The following DPP4 variants were observed in gnomAD, a reference collection of about 807,000 sequenced individuals.
The protein encoded by DPP4 is ADCP-2.
DPP4 carries 93 observed loss-of-function variants against 122.4 expected under a neutral mutation model. The ratio of observed to expected loss-of-function variants is 0.76; its 90% confidence interval spans 0.64 to 0.90. DPP4 has a LOEUF of 0.90. Among genes scored for constraint, DPP4 ranks in the 40% least tolerant of loss-of-function variants. DPP4 has a pLI of 0.00. For missense variants in DPP4, 914 were observed against 907.3 expected, an observed-to-expected ratio of 1.01 and a Z score of -0.09; for synonymous variants, 321 against 302.9, an observed-to-expected ratio of 1.06 and a Z score of -0.62.
At chr2:161,996,997 G>T (rs1357571516) in intron 23 of DPP4, among the ~76,000 whole-genome samples, 3 of 152,150 alleles carry the variant, frequency 2.0e-5, no homozygotes, top group African/African-American at 7.2e-5. Flanking sequence ...TTCTGATGCT[G>T]ATGTGAGAAT....
intron 2 of DPP4, among the ~76,000 whole-genome samples, chr2:162,056,636 G>C (rs932063729): frequency 3.3e-5 from 5 of 152,170 alleles, no homozygotes; most frequent in African/African-American, 9.7e-5. Context: ...TTAGTTTATA[G>C]TTTAACTTTG....
intron 10 of DPP4, among the ~76,000 whole-genome samples, chr2:162,025,645 T>C (rs1048541505): frequency 1.1e-4 from 17 of 152,160 alleles, no homozygotes; most frequent in Admixed American, 2.6e-4. Flanking sequence ...TATAGTGAAG[T>C]GCATGGAATT....
rs1700905721 is a variant in DPP4 at position 161,993,201 on chromosome 2, A to G, written c.*82T>C. The G allele has an allele frequency of 2.8e-6, 3 of 1,085,100 alleles. No individual in the cohort carries two copies. The African/African-American group carries it at 4.7e-5, about 17-fold the overall frequency. The allele number at this position is 1,085,100 out of a possible 1,614,324, so 67.2% of individuals were successfully genotyped here. A position where few individuals can be genotyped will look rare whatever the true frequency, so the allele number is the denominator to read the frequency against. On this transcript the variant is annotated 3_prime_UTR_variant, in exon 26 of 26. Transcript: ENST00000360534. Reference sequence around the variant, plus strand: ...TTGAGTGTGTATTTTAAAGATCATCATCATCTTGACAGTGCAGTTTTGAGA... The same window carrying G: ...TTGAGTGTGTATTTTAAAGATCATCGTCATCTTGACAGTGCAGTTTTGAGA...
At chr2:161,993,530 G>A (rs1246289290) in intron 25 of DPP4, 146 bp from the exon 26 acceptor site, 4 of 590,580 alleles carry the variant, frequency 6.8e-6, no homozygotes, top group African/African-American at 1.9e-5. Flanking sequence ...AAACTGAAAC[G>A]GGGTCAAAGA....
intron 25 of DPP4, among the ~76,000 whole-genome samples, chr2:161,994,541 A>G (rs970986623): frequency 6.6e-6 from 1 of 152,220 alleles, no homozygotes; most frequent in Non-Finnish European, 1.5e-5. Context: ...GATTATTAAG[A>G]TCCCACTGTT....
chr2:162,024,297 C>T (rs973796263), intron 11 of DPP4, among the ~76,000 whole-genome samples: 3 of 152,218 alleles, frequency 2.0e-5, no homozygotes, highest in Admixed American at 6.5e-5. Flanking sequence ...CAGAGTTGGC[C>T]TCAGGATTGC....
intron 10 of DPP4, 106 bp from the exon 11 acceptor site, chr2:162,025,045 A>G: frequency 2.4e-6 from 3 of 1,253,348 alleles, no homozygotes; most frequent in Non-Finnish European, 3.3e-6. Context: ...ATCAATCTTA[A>G]TGGGAAGTAG....
intron 2 of DPP4, among the ~76,000 whole-genome samples, chr2:162,052,061 C>T (rs1028041619): frequency 1.3e-5 from 2 of 151,850 alleles, no homozygotes; most frequent in Admixed American, 6.6e-5. Flanking sequence ...AGCTCACACC[C>T]GTAATCCTAG....
chr2:162,006,653 A>G (rs1376043375), intron 22 of DPP4, among the ~76,000 whole-genome samples: 1 of 152,178 alleles, frequency 6.6e-6, no homozygotes, highest in Non-Finnish European at 1.5e-5. Context: ...TATTTTGGAT[A>G]GTTAAACATA....
chr2:162,044,951 T>C (rs1364552892), intron 5 of DPP4, among the ~76,000 whole-genome samples: 1 of 150,198 alleles, frequency 6.7e-6, no homozygotes, highest in Non-Finnish European at 1.5e-5. Context: ...CTTTTCTTTT[T>C]CTTTCTTTCT....
intron 2 of DPP4, among the ~76,000 whole-genome samples, chr2:162,071,496 T>C (rs1426813589): frequency 2.0e-5 from 3 of 151,944 alleles, no homozygotes; most frequent in Admixed American, 6.6e-5. Flanking sequence ...CAAAAAATTA[T>C]CCGGGCGTGG....
At chr2:162,027,663 AC>A (rs1683380801) in intron 10 of DPP4, among the ~76,000 whole-genome samples, 1 of 152,158 alleles carries the variant, frequency 6.6e-6, no homozygotes, top group Non-Finnish European at 1.5e-5. Flanking sequence ...GGGGGGAACA[AC>A]TTTTTGACAA....
chr2:161,994,088 C>T (rs1700933226), intron 25 of DPP4, among the ~76,000 whole-genome samples: 1 of 152,114 alleles, frequency 6.6e-6, no homozygotes, highest in East Asian at 1.9e-4. Context: ...GAAGTCATTA[C>T]CGGGCAAACA....
chr2:162,044,796 G>A (rs1222595443), intron 5 of DPP4, among the ~76,000 whole-genome samples: 1 of 152,100 alleles, frequency 6.6e-6, no homozygotes, highest in Non-Finnish European at 1.5e-5. Context: ...ACTGGGGAAA[G>A]CTGAGTGCTC....
intron 2 of DPP4, among the ~76,000 whole-genome samples, chr2:162,068,540 T>A (rs1685020714): frequency 6.6e-6 from 1 of 152,154 alleles, no homozygotes; most frequent in Admixed American, 6.5e-5. Flanking sequence ...GTATCAGGGT[T>A]GGTCTGTGTG....
At position 162,033,946 on chromosome 2, in the gene DPP4, GTTTATATC is replaced by G. The variant is rs1308695192; in HGVS notation, c.775-301_775-294del. On this transcript the variant is annotated intron_variant, in intron 9 of 25. Transcript: ENST00000360534. ...AAGCACTTCTGTTTAAATAATGAAT[GTTTATATC>G]TTTATAATTTATCACTTTGTGCAAG... Among the ~76,000 whole-genome samples, 5 of 143,790 alleles carry G rather than the reference GTTTATATC, an allele frequency of 3.5e-5. No homozygotes were observed. The East Asian group carries it at 8.7e-4, about 25-fold the overall frequency. The allele number at this position is 143,790 out of a possible 152,430, so 94.3% of individuals were successfully genotyped here.
At chr2:162,073,366 C>A in intron 2 of DPP4, 33 bp downstream of exon 2, 2 of 1,609,688 alleles carry the variant, frequency 1.2e-6, no homozygotes, top group Non-Finnish European at 1.7e-6. Context: ...TGAGCTCCAA[C>A]TGTCCTATCT....
At chr2:162,018,996 A>G (rs1219572746) in intron 15 of DPP4, 146 bp from the exon 16 acceptor site, 2 of 1,046,580 alleles carry the variant, frequency 1.9e-6, no homozygotes, top group Non-Finnish European at 2.8e-6. Flanking sequence ...AAATAAATAC[A>G]TGAATTAATA....
chr2:161,993,564 C>A (rs538515118), intron 25 of DPP4, among the ~76,000 whole-genome samples, 180 bp from the exon 26 acceptor site: 2 of 152,154 alleles, frequency 1.3e-5, no homozygotes, highest in Non-Finnish European at 2.9e-5. Flanking sequence ...TCCCCCAGAG[C>A]TTTTCCAGGG....
Sources: gnomAD v4.1 joint callset for allele counts (sites outside exome capture counted in the v4.1 genomes callset) on GRCh38, gnomAD v4.1.1 for gene constraint, MANE v1.5 for transcripts, NCBI Gene and HGNC (gene_info 2026-07-23, HGNC 2026-07-21) for gene names.